Variants in SNX24 observed in about 807,000 individuals in gnomAD.
SNX24 encodes the protein sorting nexin 24.
A neutral mutation model predicts 28.7 loss-of-function variants in SNX24; 22 were observed. The observed-to-expected ratio is 0.77, with a 90% CI of 0.55 to 1.10. The LOEUF (loss-of-function observed/expected upper bound fraction) is 1.10. Ranked by LOEUF, SNX24 falls within the 50% of genes least tolerant of loss-of-function variation. SNX24 has a pLI of 0.00. For synonymous variants in SNX24, 69 were observed against 71.5 expected, an observed-to-expected ratio of 0.96 and a Z score of 0.18; for missense variants, 221 against 201.1, an observed-to-expected ratio of 1.10 and a Z score of -0.60.
intron 1 of SNX24, among the ~76,000 whole-genome samples, chr5:122,900,376 A>T (rs1198348154): frequency 3.9e-5 from 6 of 152,120 alleles, no homozygotes; most frequent in South Asian, 4.1e-4. Flanking sequence ...CGTTTTTTTT[A>T]AAAAAATGAA....
chr5:123,025,771 T>G, intron 5 of SNX24: 1 of 1,607,582 alleles, frequency 6.2e-7, no homozygotes, highest in East Asian at 2.2e-5. Flanking sequence ...AGGAAAAAAA[T>G]GTATCAATTT....
intron 1 of SNX24, among the ~76,000 whole-genome samples, chr5:122,888,845 T>G (rs1313416605): frequency 1.3e-5 from 2 of 152,138 alleles, no homozygotes; most frequent in African/African-American, 2.4e-5. Context: ...GTTATAGATG[T>G]AATGGGATAA....
intron 1 of SNX24, among the ~76,000 whole-genome samples, chr5:122,930,772 C>T (rs997277821): frequency 3.9e-5 from 6 of 152,062 alleles, no homozygotes; most frequent in South Asian, 4.1e-4. Flanking sequence ...AATTTTCTTT[C>T]GAAAGCAGAA....
intron 1 of SNX24, among the ~76,000 whole-genome samples, chr5:122,864,180 A>G (rs535989698): frequency 6.6e-6 from 1 of 152,054 alleles, no homozygotes; most frequent in Non-Finnish European, 1.5e-5. Context: ...AAGCTACTAT[A>G]GTATCCCAAG....
intron 3 of SNX24, among the ~76,000 whole-genome samples, chr5:122,976,796 A>T (rs1012090310): frequency 7.2e-5 from 11 of 152,260 alleles, no homozygotes. Flanking sequence ...AACGCAGAGC[A>T]CAGTGACCCC....
chr5:122,957,374 A>G (rs937823606), intron 3 of SNX24, among the ~76,000 whole-genome samples: 3 of 152,218 alleles, frequency 2.0e-5, no homozygotes, highest in African/African-American at 7.2e-5. Context: ...ACATTGGTCT[A>G]TATGTCTATC....
intron 2 of SNX24, among the ~76,000 whole-genome samples, chr5:122,940,661 T>C (rs1759401710): frequency 1.3e-5 from 2 of 152,178 alleles, no homozygotes; most frequent in African/African-American, 4.8e-5. Context: ...AACCTCCGTC[T>C]CCCAGGTTCA....
At chr5:122,890,466 A>C (rs933962437) in intron 1 of SNX24, among the ~76,000 whole-genome samples, 2 of 114,918 alleles carry the variant, frequency 1.7e-5, no homozygotes, top group Non-Finnish European at 3.3e-5. Context: ...TTCCATTTAG[A>C]GGGGATTTTT....
At chr5:122,894,738 G>GCT (rs1757127637) in intron 1 of SNX24, among the ~76,000 whole-genome samples, 1 of 152,166 alleles carries the variant, frequency 6.6e-6, no homozygotes, top group Non-Finnish European at 1.5e-5. Flanking sequence ...GTTTTAGAAG[G>GCT]AAGAGGGCTA....
chr5:122,885,201 A>G (rs961934907), intron 1 of SNX24, among the ~76,000 whole-genome samples: 2 of 152,042 alleles, frequency 1.3e-5, no homozygotes, highest in African/African-American at 4.8e-5. Context: ...AGTCCTCTGT[A>G]TTGGGGGCTT....
At chr5:122,922,068 C>T (rs1020822952) in intron 1 of SNX24, among the ~76,000 whole-genome samples, 6 of 152,056 alleles carry the variant, frequency 3.9e-5, no homozygotes, top group African/African-American at 1.2e-4. Flanking sequence ...TGCTGAGGCC[C>T]GACCTTGTTA....
chr5:122,969,989 C>T (rs1581813092), intron 3 of SNX24, among the ~76,000 whole-genome samples: 1 of 152,020 alleles, frequency 6.6e-6, no homozygotes, highest in Admixed American at 6.6e-5. Flanking sequence ...GTAAAAACTA[C>T]TCTCTTCACT....
intron 3 of SNX24, among the ~76,000 whole-genome samples, chr5:122,974,270 C>G (rs1464286091): frequency 6.6e-6 from 1 of 152,220 alleles, no homozygotes; most frequent in Non-Finnish European, 1.5e-5. Flanking sequence ...ATGCAAGTGT[C>G]TCACCAATAA....
intron 1 of SNX24, among the ~76,000 whole-genome samples, chr5:122,904,311 T>G (rs1046760770): frequency 4.6e-5 from 7 of 152,132 alleles, no homozygotes; most frequent in African/African-American, 1.7e-4. Context: ...GCCTCCCCAG[T>G]AGCTGGGATT....
intron 1 of SNX24, among the ~76,000 whole-genome samples, chr5:122,881,860 A>G (rs374544128): frequency 9.9e-5 from 15 of 151,844 alleles, no homozygotes; most frequent in East Asian, 9.7e-4. Context: ...GATGTCATAT[A>G]GTGTTGGTTC....
At chr5:122,905,890 A>G (rs1363333442) in intron 1 of SNX24, among the ~76,000 whole-genome samples, 1 of 152,220 alleles carries the variant, frequency 6.6e-6, no homozygotes, top group Non-Finnish European at 1.5e-5. Flanking sequence ...ATAGTAATCC[A>G]TTGAGTTGTG....
intron 1 of SNX24, among the ~76,000 whole-genome samples, chr5:122,908,508 T>G (rs890197713): frequency 5.3e-5 from 8 of 152,204 alleles, no homozygotes; most frequent in African/African-American, 1.9e-4. Context: ...TAAAATAACT[T>G]AAGGGAAAAA....
At chr5:122,981,135 A>G (rs754020763) in intron 3 of SNX24, among the ~76,000 whole-genome samples, 11 of 152,064 alleles carry the variant, frequency 7.2e-5, no homozygotes, top group Non-Finnish European at 1.5e-4. Flanking sequence ...CATGCAAAAC[A>G]TATGTTATTT....
chr5:122,907,506 C>G (rs1757691400), intron 1 of SNX24, among the ~76,000 whole-genome samples: 3 of 152,122 alleles, frequency 2.0e-5, no homozygotes, highest in Admixed American at 2.0e-4. Flanking sequence ...CCATTTGCTG[C>G]CTTTTCCTTT....
Sources: allele counts gnomAD v4.1 joint callset (sites outside exome capture counted in the v4.1 genomes callset), GRCh38; gene constraint gnomAD v4.1.1; transcripts MANE v1.5; gene names NCBI Gene and HGNC (gene_info 2026-07-23, HGNC 2026-07-21).